Variants in NPHP1 observed in about 807,000 individuals in gnomAD.
NPHP1 encodes nephrocystin-1.
A neutral mutation model predicts 90.4 loss-of-function variants in NPHP1; 70 were observed. The ratio of observed to expected loss-of-function variants is 0.77; its 90% CI spans 0.64 to 0.95. The LOEUF (loss-of-function observed/expected upper bound fraction) is 0.95. Among genes scored for constraint, NPHP1 ranks in the 40% least tolerant of loss-of-function variants. NPHP1 has a pLI of 0.00. For synonymous variants in NPHP1, 256 were observed against 271.7 expected, an observed-to-expected ratio of 0.94 and a Z score of 0.57; for missense variants, 764 against 795.9, an observed-to-expected ratio of 0.96 and a Z score of 0.48.
chr2:110,180,129 T>C (rs564892158), intron 2 of NPHP1, among the ~76,000 whole-genome samples: 2 of 152,218 alleles, frequency 1.3e-5, no homozygotes, highest in South Asian at 4.1e-4. Context: ...GAAAGAGAAG[T>C]TCTACATAGC....
At chr2:110,135,442 A>C (rs2104450251) in intron 16 of NPHP1, among the ~76,000 whole-genome samples, 1 of 136,264 alleles carries the variant, frequency 7.3e-6, no homozygotes, top group South Asian at 2.3e-4. Context: ...GCGCCACCGC[A>C]CTCCAACCTG....
At chr2:110,129,381 T>C in intron 17 of NPHP1, 122 bp from the exon 18 acceptor site, 1 of 797,332 alleles carries the variant, frequency 1.3e-6, no homozygotes, top group South Asian at 1.5e-5. Context: ...TAACACATTC[T>C]ACACACTTTG....
chr2:110,189,153 A>T (rs777026004), intron 2 of NPHP1, among the ~76,000 whole-genome samples: 6 of 152,198 alleles, frequency 3.9e-5, no homozygotes, highest in Admixed American at 6.5e-5. Context: ...GACAAATAGG[A>T]TCTCATCAAA....
rs1323043124 is a variant in NPHP1 at position 110,146,767 on chromosome 2, AAC to A, written c.1336_1337del (p.Val446SerfsTer8). On this transcript the variant is annotated frameshift_variant, in exon 14 of 20. Transcript: ENST00000445609. LOFTEE classifies it high-confidence loss of function. ...VFLKLFDASG[V>X]PIPAKTYELF... is the part of the protein sequence containing the mutation. Reference sequence around the variant, plus strand: ...AGCCAACTTACTTTGCTGGAATAGGAACTCCACTGGCATCAAAAAGTTTAAGA... The same window carrying A: ...AGCCAACTTACTTTGCTGGAATAGGATCCACTGGCATCAAAAAGTTTAAGA... 1 of 1,611,684 alleles carries A rather than the reference AAC, an allele frequency of 6.2e-7. No homozygotes were observed. Among genetic ancestry groups the A allele is most frequent in the Non-Finnish European group, 8.5e-7 (1 of 1,177,884 alleles).
intron 2 of NPHP1, among the ~76,000 whole-genome samples, chr2:110,180,300 G>A (rs1683795939): frequency 6.6e-6 from 1 of 151,966 alleles, no homozygotes; most frequent in African/African-American, 2.4e-5. Flanking sequence ...TTCCACAGAT[G>A]CCTCAATTCA....
intron 16 of NPHP1, among the ~76,000 whole-genome samples, chr2:110,141,816 C>CA (rs531997521): frequency 1.8e-3 from 272 of 151,386 alleles, no homozygotes; most frequent in Middle Eastern, 0.014. Flanking sequence ...ACTAAAAATA[C>CA]AAAAAAATTA....
intron 11 of NPHP1, among the ~76,000 whole-genome samples, chr2:110,158,039 C>A (rs1682036115): frequency 6.6e-6 from 1 of 152,092 alleles, no homozygotes; most frequent in African/African-American, 2.4e-5. Context: ...TCTAATTTCC[C>A]ATGAAATTTC....
intron 2 of NPHP1, among the ~76,000 whole-genome samples, chr2:110,182,653 C>T (rs1249072322): frequency 3.3e-5 from 5 of 152,108 alleles, no homozygotes; most frequent in East Asian, 3.9e-4. Context: ...GGACTAAATA[C>T]GGAAAGGAGA....
At chr2:110,139,066 T>C (rs1680434396) in intron 16 of NPHP1, among the ~76,000 whole-genome samples, 1 of 152,098 alleles carries the variant, frequency 6.6e-6, no homozygotes, top group South Asian at 2.1e-4. Context: ...ACTCTGGCAA[T>C]GAACACAATG....
intron 15 of NPHP1, 43 bp from the exon 16 acceptor site, chr2:110,143,684 T>C (rs1043185897): frequency 2.3e-6 from 3 of 1,290,028 alleles, no homozygotes; most frequent in Admixed American, 1.7e-5. Flanking sequence ...CTTTAAGTAC[T>C]TGAGACAGTG....
intron 1 of NPHP1, 46 bp downstream of exon 1, chr2:110,204,854 T>A (rs774179366): frequency 6.3e-7 from 1 of 1,598,068 alleles, no homozygotes; most frequent in East Asian, 2.2e-5. Flanking sequence ...CGCAGCTGCG[T>A]CCGCCTGTCG....
At chr2:110,178,011 G>C (rs1683622394) in intron 4 of NPHP1, 2 of 214,254 alleles carry the variant, frequency 9.3e-6, no homozygotes, top group South Asian at 1.5e-4. Flanking sequence ...AAAATGCTGG[G>C]ATTACAGGTA....
At chr2:110,183,780 G>T (rs187848982) in intron 2 of NPHP1, among the ~76,000 whole-genome samples, 2 of 152,208 alleles carry the variant, frequency 1.3e-5, no homozygotes, top group Admixed American at 1.3e-4. Context: ...TTCAGGACCT[G>T]AACTCAGCTC....
intron 2 of NPHP1, among the ~76,000 whole-genome samples, chr2:110,182,014 C>G (rs1683940236): frequency 6.6e-6 from 1 of 151,936 alleles, no homozygotes; most frequent in South Asian, 2.1e-4. Flanking sequence ...GCAGAATAGA[C>G]AAGGCAGAGG....
chr2:110,143,543 TTAG>T lies in NPHP1; in HGVS notation c.1525_1527del (p.Leu509del). 1.9e-6 allele frequency: 3 copies of T among 1,606,318 alleles called. No individual in the cohort carries two copies. In the East Asian group the frequency reaches 6.7e-5, roughly 36 times the overall value. On this transcript the variant is annotated inframe_deletion and splice_region_variant, in exon 16 of 20. Coordinates refer to ENST00000445609, the MANE Select transcript of NPHP1 (RefSeq NM_001128178.3). ...GGACAGGTAAAAGCAGGTACCCACCTTAGTACATTTCTTGATCTTCTGTTCAAG... is the reference window on the plus strand; with the variant it reads ...GGACAGGTAAAAGCAGGTACCCACCTTACATTTCTTGATCTTCTGTTCAAG...
intron 11 of NPHP1, among the ~76,000 whole-genome samples, chr2:110,158,954 C>T (rs573673877): frequency 6.6e-6 from 1 of 151,794 alleles, no homozygotes; most frequent in Non-Finnish European, 1.5e-5. Context: ...CCTTCTATTC[C>T]TAGTTTGTAG....
In NPHP1 at chr2:110,155,364, C is replaced by A. The variant is rs778275368; in HGVS notation, c.1083+4763G>T. On this transcript the variant is annotated intron_variant, in intron 11 of 19. Coordinates refer to ENST00000445609, the MANE Select transcript of NPHP1 (RefSeq NM_001128178.3). ...GCGAAAGGGAAATGTGGGGTTGGAGCCCCCTCACACAGAGTCCCTCCTGGG... is the reference window on the plus strand; with the variant it reads ...GCGAAAGGGAAATGTGGGGTTGGAGACCCCTCACACAGAGTCCCTCCTGGG... Among the ~76,000 whole-genome samples the A allele has an allele frequency of 2.6e-5, 4 of 152,114 alleles. 1 individual carries two copies. Among genetic ancestry groups the A allele is most frequent in the Non-Finnish European group, 5.9e-5 (4 of 67,996 alleles).
chr2:110,202,932 C>G (rs1685667117), intron 1 of NPHP1, among the ~76,000 whole-genome samples: 2 of 151,910 alleles, frequency 1.3e-5, no homozygotes, highest in Admixed American at 6.6e-5. Flanking sequence ...GTATATACCC[C>G]CAAAAAAGAA....
intron 2 of NPHP1, chr2:110,184,353 C>A: frequency 1.6e-6 from 1 of 609,602 alleles, no homozygotes; most frequent in Non-Finnish European, 3.1e-6. Context: ...GGACCAGCTG[C>A]AGACTTTCTC....
Sources: gnomAD v4.1 joint callset for allele counts (sites outside exome capture counted in the v4.1 genomes callset) on GRCh38, gnomAD v4.1.1 for gene constraint, MANE v1.5 for transcripts, NCBI Gene and HGNC (gene_info 2026-07-23, HGNC 2026-07-21) for gene names.